Variants in NTM observed in about 807,000 individuals in gnomAD.
The protein encoded by NTM is neurotrimin, also known as IgLON family member 2.
A neutral mutation model predicts 42.1 loss-of-function variants in NTM; 13 were observed. The observed-to-expected ratio is 0.31, with a 90% CI of 0.20 to 0.49. The LOEUF is 0.49. Among genes scored for constraint, NTM ranks in the 20% least tolerant of loss-of-function variants. The probability of loss-of-function intolerance (pLI) is 0.99; values close to 1 mark genes in which losing one functional copy is unlikely to be tolerated. For synonymous variants in NTM, 187 were observed against 179.2 expected (o/e 1.04, Z -0.35); for missense variants, 373 against 452.8 (o/e 0.82, Z 1.60).
chr11:131,522,852 G>A (rs1187572120), intron 1 of NTM, among the ~76,000 whole-genome samples: 1 of 152,208 alleles, frequency 6.6e-6, no homozygotes, highest in Non-Finnish European at 1.5e-5. Flanking sequence ...TCACTTAGCA[G>A]CCATTTAAAA....
At chr11:131,389,986 G>T (rs1198568546) in intron 1 of NTM, among the ~76,000 whole-genome samples, 1 of 152,226 alleles carries the variant, frequency 6.6e-6, no homozygotes, top group African/African-American at 2.4e-5. Context: ...GGGGCAGAAG[G>T]TTGATCTCTC....
intron 1 of NTM, among the ~76,000 whole-genome samples, chr11:131,567,201 A>C (rs2056980444): frequency 6.6e-6 from 1 of 152,006 alleles, no homozygotes; most frequent in Admixed American, 6.6e-5. Flanking sequence ...ACCTAAAAAA[A>C]CCCTAGAGGC....
chr11:132,122,382 C>T (rs898539694), intron 2 of NTM, among the ~76,000 whole-genome samples: 2 of 152,182 alleles, frequency 1.3e-5, no homozygotes, highest in African/African-American at 4.8e-5. Context: ...ATTTCAACAA[C>T]TCTGTAGTCA....
At chr11:131,420,311 G>A (rs1463467801) in intron 1 of NTM, among the ~76,000 whole-genome samples, 1 of 152,122 alleles carries the variant, frequency 6.6e-6, no homozygotes, top group Non-Finnish European at 1.5e-5. Context: ...CTGCTATGAG[G>A]GGCCACGAGA....
At chr11:131,801,668 C>A (rs2092124666) in intron 1 of NTM, among the ~76,000 whole-genome samples, 1 of 152,102 alleles carries the variant, frequency 6.6e-6, no homozygotes, top group Non-Finnish European at 1.5e-5. Context: ...CATCCTCATG[C>A]TACAGAAGGG....
chr11:131,510,887 G>A (rs1052122126), intron 1 of NTM, among the ~76,000 whole-genome samples: 2 of 152,212 alleles, frequency 1.3e-5, no homozygotes, highest in African/African-American at 4.8e-5. Context: ...CGTGGGAAGA[G>A]CTCCCTCTGC....
At chr11:131,567,213 G>A (rs115724801) in intron 1 of NTM, among the ~76,000 whole-genome samples, 10 of 152,210 alleles carry the variant, frequency 6.6e-5, no homozygotes, top group Admixed American at 5.9e-4. Context: ...CCTAGAGGCC[G>A]GGCACAGTGG....
intron 2 of NTM, among the ~76,000 whole-genome samples, chr11:132,055,793 T>G (rs919884042): frequency 3.9e-5 from 6 of 152,110 alleles, no homozygotes; most frequent in African/African-American, 1.4e-4. Flanking sequence ...TTTCAGGAAT[T>G]GGGTGGCCTT....
At chr11:131,715,238 A>G (rs2077565984) in intron 1 of NTM, among the ~76,000 whole-genome samples, 1 of 152,236 alleles carries the variant, frequency 6.6e-6, no homozygotes, top group Non-Finnish European at 1.5e-5. Flanking sequence ...AAATAGAAGG[A>G]GCTACAGAAT....
intron 1 of NTM, among the ~76,000 whole-genome samples, chr11:131,851,532 CGTGTGT>C (rs71067340): frequency 3.5e-4 from 51 of 146,788 alleles, no homozygotes; most frequent in East Asian, 6.1e-4. Context: ...GTGAGAATGG[CGTGTGT>C]GTGTGTGTGT....
intron 4 of NTM, among the ~76,000 whole-genome samples, chr11:132,237,141 G>C (rs920062412): frequency 9.9e-5 from 15 of 152,214 alleles, no homozygotes; most frequent in African/African-American, 3.4e-4. Flanking sequence ...CTGTTTTGGA[G>C]CCATTTGCTC....
intron 2 of NTM, among the ~76,000 whole-genome samples, chr11:132,036,467 G>A (rs569117394): frequency 6.6e-6 from 1 of 152,272 alleles, no homozygotes; most frequent in Non-Finnish European, 1.5e-5. Context: ...TAATGCAGTG[G>A]CTGTTGGAGA....
At chr11:131,682,549 C>A (rs1397195976) in intron 1 of NTM, among the ~76,000 whole-genome samples, 2 of 152,234 alleles carry the variant, frequency 1.3e-5, no homozygotes, top group Non-Finnish European at 2.9e-5. Context: ...AGGACTGTGA[C>A]CCTGGGTGGG....
At chr11:131,918,987 A>G (rs1428868772) in intron 2 of NTM, among the ~76,000 whole-genome samples, 1 of 152,122 alleles carries the variant, frequency 6.6e-6, no homozygotes, top group Non-Finnish European at 1.5e-5. Context: ...ATTTCCACGT[A>G]CTTCTCTGGA....
chr11:131,805,172 G>T (rs897321678), intron 1 of NTM, among the ~76,000 whole-genome samples: 1 of 152,162 alleles, frequency 6.6e-6, no homozygotes, highest in African/African-American at 2.4e-5. Context: ...TGTAGCCCCA[G>T]CACCTAGCAT....
intron 1 of NTM, among the ~76,000 whole-genome samples, chr11:131,800,749 C>T (rs1420989588): frequency 2.0e-5 from 3 of 152,158 alleles, no homozygotes; most frequent in African/African-American, 7.2e-5. Context: ...TTTGGCCTTG[C>T]ACATCAAACA....
chr11:131,646,212 C>T (rs1449276744), intron 1 of NTM, among the ~76,000 whole-genome samples: 1 of 152,200 alleles, frequency 6.6e-6, no homozygotes, highest in Non-Finnish European at 1.5e-5. Context: ...CAGCCACACT[C>T]ATTCTTTCTC....
intron 1 of NTM, among the ~76,000 whole-genome samples, chr11:131,805,226 C>T (rs569065053): frequency 4.5e-4 from 68 of 152,318 alleles, no homozygotes; most frequent in African/African-American, 1.6e-3. Context: ...TCCAACCTGA[C>T]AGAAATTCTT....
intron 1 of NTM, among the ~76,000 whole-genome samples, chr11:131,908,144 T>A (rs1030562636): frequency 1.2e-4 from 19 of 152,344 alleles, no homozygotes; most frequent in Admixed American, 6.5e-4. Flanking sequence ...CTAAGCTTAG[T>A]GCTTTCCCTT....
Sources: gnomAD v4.1 joint callset for allele counts (sites outside exome capture counted in the v4.1 genomes callset) on GRCh38, gnomAD v4.1.1 for gene constraint, MANE v1.5 for transcripts, NCBI Gene and HGNC (gene_info 2026-07-23, HGNC 2026-07-21) for gene names.